VPS13C: variants seen among roughly 807,000 people sequenced by gnomAD.
VPS13C encodes vacuolar protein sorting 13 homolog C.
VPS13C carries 358 observed loss-of-function variants against 456.8 expected under a neutral mutation model. That is an observed-to-expected ratio of 0.78 (90% CI 0.72 to 0.86). The LOEUF is 0.86. Among genes scored for constraint, VPS13C ranks in the 40% least tolerant of loss-of-function variants. The pLI, the probability that VPS13C is intolerant of heterozygous loss-of-function variation, is 0.00. For synonymous variants in VPS13C, 1,578 were observed against 1,486.7 expected, an observed-to-expected ratio of 1.06 and a Z score of -1.41; for missense variants, 4,818 against 4,385.4, an observed-to-expected ratio of 1.10 and a Z score of -2.79.
intron 51 of VPS13C, among the ~76,000 whole-genome samples, chr15:61,929,255 A>G (rs2043972140): frequency 6.6e-6 from 1 of 152,206 alleles, no homozygotes; most frequent in South Asian, 2.1e-4. Context: ...TCATTTCTGG[A>G]TCAGTAAAGA....
At chr15:62,003,886 G>T (rs1459658339) in intron 15 of VPS13C, among the ~76,000 whole-genome samples, 1 of 151,842 alleles carries the variant, frequency 6.6e-6, no homozygotes, top group African/African-American at 2.4e-5. Context: ...GATCATGGTG[G>T]ATAAGCTTTT....
chr15:61,954,530 A>G lies in VPS13C; in HGVS notation c.4190T>C (p.Ile1397Thr). 1 of 1,584,754 alleles carries G rather than the reference A, an allele frequency of 6.3e-7. No individual in the cohort carries two copies. Among genetic ancestry groups the G allele is most frequent in the South Asian group, 1.2e-5 (1 of 83,126 alleles). The change falls in exon 38 of 85, where the codon ATC (isoleucine) becomes ACC (threonine). Residue 1397 changes from isoleucine (I) to threonine (T), a missense_variant. Physicochemically the swap from Ile to Thr is moderately conservative, Grantham distance 89 (BLOSUM62 -1). Around this residue, in one of 3 missense-constraint regions of VPS13C, gnomAD observed 4,552 missense variants for 4,130.6 expected, o/e 1.10. Coordinates refer to ENST00000644861, the MANE Select transcript of VPS13C (RefSeq NM_020821.3). ...ETGEIKEPLEISISQDVHDSK... is the reference protein window; with the variant it reads ...ETGEIKEPLETSISQDVHDSK... The stretch of plus-strand genomic sequence containing the variant: ...ATCATGTACATCTTGTGATATAGAG[A>G]TTTCAAGGGGCTCTTTAATTTCACC...
At chr15:61,986,166 G>A in intron 18 of VPS13C, among the ~76,000 whole-genome samples, 1 of 149,200 alleles carries the variant, frequency 6.7e-6, no homozygotes, top group South Asian at 2.1e-4. Flanking sequence ...CTAGATTCAT[G>A]ACAAATTGGA....
rs376045810 is a variant in VPS13C at position 61,878,571 on chromosome 15, C to G, written c.10142+36G>C. ...AATGTCTAGAAACATGACCTTGGTA[C>G]ACCTGCTTCTCAATGTACTCTAACA... On this transcript the variant is annotated intron_variant, in intron 74 of 84. Coordinates refer to ENST00000644861, the MANE Select transcript of VPS13C (RefSeq NM_020821.3). 1.9e-6 allele frequency: 3 copies of G among 1,596,734 alleles called. No individual in the cohort carries two copies. The Admixed American group carries it at 5.3e-5, about 28-fold the overall frequency.
rs773756583 is a variant in VPS13C at position 62,007,373 on chromosome 15, T to G, written c.1225A>C (p.Lys409Gln). The G allele has an allele frequency of 3.5e-5, 56 of 1,612,956 alleles. No individual in the cohort carries two copies. The highest frequency in any genetic ancestry group is 4.5e-5 in the Non-Finnish European group (53 of 1,179,574). ...GTTAACTTGTTTTTGTAGGCAATTTTATAACTCTTGAGTAACTGCCTGTGC... is the reference window on the plus strand; with the variant it reads ...GTTAACTTGTTTTTGTAGGCAATTTGATAACTCTTGAGTAACTGCCTGTGC... Reference protein sequence around the residue: ...KKHRQLLKSYKIAYKNKLTQS... With the variant: ...KKHRQLLKSYQIAYKNKLTQS... Residue 409 changes from lysine (K) to glutamine (Q), a missense_variant, in exon 15 of 85, where the codon AAA (lysine) becomes CAA (glutamine). Lys to Gln is a moderately conservative substitution (Grantham distance 53, BLOSUM62 1). Around this residue, in one of 3 missense-constraint regions of VPS13C, gnomAD observed 4,552 missense variants for 4,130.6 expected, o/e 1.10. Coordinates refer to ENST00000644861, the MANE Select transcript of VPS13C (RefSeq NM_020821.3).
chr15:62,010,424 TC>T, intron 13 of VPS13C, 47 bp downstream of exon 13: 1 of 1,470,186 alleles, frequency 6.8e-7, no homozygotes, highest in Non-Finnish European at 9.0e-7. Context: ...ATAAAAGCAG[TC>T]AAGATTCAAG....
At chr15:62,036,816 G>C (rs1462829704) in intron 3 of VPS13C, among the ~76,000 whole-genome samples, 1 of 151,676 alleles carries the variant, frequency 6.6e-6, no homozygotes, top group Admixed American at 6.6e-5. Context: ...TCCTTTTATA[G>C]ATCAGGAAAT....
At chr15:61,966,017 G>C in intron 30 of VPS13C, 66 bp downstream of exon 30, 1 of 1,231,920 alleles carries the variant, frequency 8.1e-7, no homozygotes. Flanking sequence ...CTCCTCAAAG[G>C]ATACTAGAGG....
At chr15:62,004,952 A>G (rs2046779962) in intron 15 of VPS13C, among the ~76,000 whole-genome samples, 1 of 152,040 alleles carries the variant, frequency 6.6e-6, no homozygotes, top group Non-Finnish European at 1.5e-5. Flanking sequence ...TATATGGTCA[A>G]TTTTGGAATA....
intron 49 of VPS13C, 35 bp downstream of exon 49, chr15:61,934,184 G>A: frequency 1.4e-6 from 2 of 1,423,766 alleles, no homozygotes; most frequent in East Asian, 2.4e-5. Context: ...CAAGAGCTAA[G>A]GATTTATTTC....
rs764241279 is a variant in VPS13C, at chr15:61,917,338, T to C, written c.8055+3A>G. Reference sequence around the variant, plus strand: ...AAAATCAAACAAAATGCAAGAGACATACCTCAAGTAAATATCTTAGGGAAT... The same window carrying C: ...AAAATCAAACAAAATGCAAGAGACACACCTCAAGTAAATATCTTAGGGAAT... On this transcript the variant is annotated splice_donor_region_variant and intron_variant, in intron 60 of 84. Coordinates refer to ENST00000644861, the MANE Select transcript of VPS13C (RefSeq NM_020821.3). The C allele has an allele frequency of 1.2e-6, 2 of 1,610,320 alleles. No individual in the cohort carries two copies. Among genetic ancestry groups the C allele is most frequent in the South Asian group, 1.1e-5 (1 of 90,882 alleles).
chr15:61,873,457 A>G (rs1412932105), intron 77 of VPS13C, 48 bp from the exon 78 acceptor site: 1 of 1,550,628 alleles, frequency 6.4e-7, no homozygotes, highest in South Asian at 1.2e-5. Flanking sequence ...GGAACTATAC[A>G]AGGAACTCAA....
rs1567052809 is a variant in VPS13C at position 61,963,925 on chromosome 15, T to C, written c.3241A>G (p.Ile1081Val). ...KAIVSSRDSD[I>V]IDFRLFAKLN... ...TTGGCAAATAGCCTGAAATCAATAA[T>C]GTCACTATCTCTGGAGGATACAATC... The change falls in exon 32 of 85, where the codon ATT (isoleucine) becomes GTT (valine). Residue 1081 changes from isoleucine (I) to valine (V), a missense_variant. Around this residue, in one of 3 missense-constraint regions of VPS13C, gnomAD observed 4,552 missense variants for 4,130.6 expected, o/e 1.10. Coordinates refer to ENST00000644861, the MANE Select transcript of VPS13C (RefSeq NM_020821.3). 6.2e-7 allele frequency: 1 copy of C among 1,610,506 alleles called. No individual in the cohort carries two copies. The highest frequency in any genetic ancestry group is 2.2e-5 in the East Asian group (1 of 44,778).
chr15:61,974,628 T>C (rs573867957), intron 24 of VPS13C, among the ~76,000 whole-genome samples: 3 of 152,296 alleles, frequency 2.0e-5, no homozygotes, highest in East Asian at 3.9e-4. Context: ...CCCTCTTAAG[T>C]AGCCAAATCT....
intron 45 of VPS13C, among the ~76,000 whole-genome samples, chr15:61,942,760 T>TC (rs2044472058): frequency 6.6e-6 from 1 of 151,782 alleles, no homozygotes; most frequent in African/African-American, 2.4e-5. Flanking sequence ...CAACCTAACC[T>TC]CCCCGGCACC....
intron 16 of VPS13C, among the ~76,000 whole-genome samples, chr15:61,999,089 T>G (rs1379732723): frequency 6.6e-6 from 1 of 152,108 alleles, no homozygotes. Context: ...AATCTAAAGT[T>G]ATACACAGGC....
intron 51 of VPS13C, among the ~76,000 whole-genome samples, chr15:61,929,252 TG>T (rs1453697126): frequency 3.9e-5 from 6 of 152,190 alleles, no homozygotes; most frequent in Non-Finnish European, 8.8e-5. Context: ...ACTTCATTTC[TG>T]GATCAGTAAA....
intron 45 of VPS13C, among the ~76,000 whole-genome samples, chr15:61,942,869 T>C (rs2140263292): frequency 6.6e-6 from 1 of 152,154 alleles, no homozygotes; most frequent in East Asian, 1.9e-4. Flanking sequence ...TGGGAAACCC[T>C]AAGGACTCCA....
At chr15:61,875,702 C>T in intron 76 of VPS13C, 30 bp downstream of exon 76, 1 of 1,529,330 alleles carries the variant, frequency 6.5e-7, no homozygotes, top group Admixed American at 1.7e-5. Context: ...TTTTCTGTAC[C>T]TATCCTTAGA....
Sources: allele counts gnomAD v4.1 joint callset (sites outside exome capture counted in the v4.1 genomes callset), GRCh38; gene constraint gnomAD v4.1.1; regional missense constraint gnomAD v4.1.1; transcripts MANE v1.5; gene names NCBI Gene and HGNC (gene_info 2026-07-23, HGNC 2026-07-21).